SCAI: variants seen among roughly 807,000 people sequenced by gnomAD.
The protein encoded by SCAI is protein SCAI.
Under a neutral mutation model 92.2 loss-of-function variants are expected in SCAI, and 24 were observed. The observed-to-expected ratio is 0.26, with a 90% CI of 0.19 to 0.37. The LOEUF (loss-of-function observed/expected upper bound fraction) is 0.37. Ranked by LOEUF, SCAI falls within the 10% of genes least tolerant of loss-of-function variation. SCAI has a pLI of 1.00. For synonymous variants in SCAI, 261 were observed against 258.6 expected, an observed-to-expected ratio of 1.01 and a Z score of -0.09; for missense variants, 450 against 736.2, an observed-to-expected ratio of 0.61 and a Z score of 4.50.
At chr9:125,133,720 C>T (rs898970256) in intron 2 of SCAI, among the ~76,000 whole-genome samples, 2 of 151,764 alleles carry the variant, frequency 1.3e-5, no homozygotes, top group Non-Finnish European at 2.9e-5. Context: ...GCCAACTGTA[C>T]CTCTACAGAC....
chr9:125,033,897 A>G (rs1423335826), intron 3 of SCAI, among the ~76,000 whole-genome samples: 1 of 152,232 alleles, frequency 6.6e-6, no homozygotes. Context: ...GAAACTTCTG[A>G]AAGAACATTT....
intron 17 of SCAI, chr9:124,968,725 C>T: frequency 7.2e-7 from 1 of 1,386,126 alleles, no homozygotes; most frequent in Non-Finnish European, 1.0e-6. Flanking sequence ...TGCTTTTTGA[C>T]ATTCCGAATC....
intron 14 of SCAI, among the ~76,000 whole-genome samples, chr9:124,994,508 T>C (rs1053410583): frequency 3.9e-5 from 6 of 152,224 alleles, no homozygotes; most frequent in Non-Finnish European, 1.5e-5. Context: ...AGTATGTTAA[T>C]ATTCAAAGAC....
intron 17 of SCAI, among the ~76,000 whole-genome samples, chr9:124,959,531 T>TATATAC (rs1564357500): frequency 6.7e-6 from 1 of 149,070 alleles, no homozygotes; most frequent in East Asian, 2.0e-4. Context: ...CACATATATA[T>TATATAC]ACACACATAT....
intron 9 of SCAI, among the ~76,000 whole-genome samples, chr9:125,010,248 G>T (rs1402887363): frequency 6.6e-6 from 1 of 152,192 alleles, no homozygotes; most frequent in Non-Finnish European, 1.5e-5. Context: ...CTCGGGAAGC[G>T]CAAGGGGTCA....
intron 17 of SCAI, among the ~76,000 whole-genome samples, chr9:124,967,343 T>C (rs1680497452): frequency 6.6e-6 from 1 of 152,180 alleles, no homozygotes; most frequent in Non-Finnish European, 1.5e-5. Context: ...AAATCAACCA[T>C]ATTCTATCCC....
chr9:125,108,529 A>G (rs7469086), intron 2 of SCAI, among the ~76,000 whole-genome samples: 58,570 of 125,172 alleles, frequency 0.47, 14,458 homozygotes, highest in East Asian at 0.62. Flanking sequence ...CTGCGACCCC[A>G]TCTGGGAGGT....
At chr9:125,137,889 A>T (rs901240186) in intron 2 of SCAI, among the ~76,000 whole-genome samples, 4 of 152,174 alleles carry the variant, frequency 2.6e-5, no homozygotes, top group Non-Finnish European at 5.9e-5. Context: ...GATGTGAGCC[A>T]CCACGCTTGG....
intron 14 of SCAI, among the ~76,000 whole-genome samples, 197 bp from the exon 15 acceptor site, chr9:124,976,383 A>G (rs2131594187): frequency 6.6e-6 from 1 of 152,352 alleles, no homozygotes; most frequent in East Asian, 1.9e-4. Context: ...AAAGGCTCTC[A>G]ATTGAAATAG....
At chr9:124,993,180 C>T (rs1832168920) in intron 14 of SCAI, among the ~76,000 whole-genome samples, 2 of 152,236 alleles carry the variant, frequency 1.3e-5, no homozygotes, top group Admixed American at 6.5e-5. Flanking sequence ...ACACAAAATG[C>T]CTGGACCCCT....
Position 125,008,207 on chromosome 9 carries a change from C to T in SCAI, c.862-4637G>A, listed in dbSNP as rs1374086500. Among the ~76,000 whole-genome samples, 8 of 151,926 alleles carry T rather than the reference C, an allele frequency of 5.3e-5. No homozygotes were observed. The South Asian group carries it at 1.0e-3, about 20-fold the overall frequency. Reference sequence around the variant, plus strand: ...TCACCCAGGCTGGAGTGCAGTGGCACGAATTTGTCTCATTGCAACCTCTGC... The same window carrying T: ...TCACCCAGGCTGGAGTGCAGTGGCATGAATTTGTCTCATTGCAACCTCTGC... On this transcript the variant is annotated intron_variant, in intron 9 of 17. Coordinates refer to ENST00000336505, the MANE Select transcript of SCAI (RefSeq NM_001144877.3).
chr9:124,983,162 TAAA>T (rs144047566), intron 14 of SCAI, among the ~76,000 whole-genome samples: 30 of 138,706 alleles, frequency 2.2e-4, no homozygotes, highest in African/African-American at 3.2e-4. Flanking sequence ...ACCTGTCTCT[TAAA>T]AAAAAAAAAA....
intron 14 of SCAI, among the ~76,000 whole-genome samples, chr9:124,988,857 C>T (rs1222763748): frequency 2.0e-5 from 3 of 152,228 alleles, no homozygotes; most frequent in African/African-American, 7.2e-5. Context: ...AAATCCAGAC[C>T]AGCCAGGCAC....
intron 2 of SCAI, among the ~76,000 whole-genome samples, chr9:125,081,975 C>G (rs1224029583): frequency 6.6e-6 from 1 of 152,176 alleles, no homozygotes; most frequent in African/African-American, 2.4e-5. Context: ...GACATTCAAG[C>G]CGGCTGCAGA....
intron 14 of SCAI, among the ~76,000 whole-genome samples, chr9:124,979,001 C>T (rs1220249923): frequency 6.6e-6 from 1 of 151,868 alleles, no homozygotes; most frequent in African/African-American, 2.4e-5. Flanking sequence ...GCTGGGATTA[C>T]AGGGGAATGC....
intron 17 of SCAI, among the ~76,000 whole-genome samples, chr9:124,958,789 A>G (rs1831372348): frequency 6.6e-6 from 1 of 151,770 alleles, no homozygotes; most frequent in Non-Finnish European, 1.5e-5. Context: ...CACCTGTAAT[A>G]CCAGCTACTC....
intron 2 of SCAI, among the ~76,000 whole-genome samples, chr9:125,106,722 C>CTTT (rs34740170): frequency 1.1e-4 from 12 of 113,330 alleles, no homozygotes; most frequent in South Asian, 2.9e-4. Context: ...TTTTCTTTTC[C>CTTT]TTTTTTTTTT....
At chr9:125,061,255 C>T (rs557006167) in intron 2 of SCAI, among the ~76,000 whole-genome samples, 8 of 151,902 alleles carry the variant, frequency 5.3e-5, no homozygotes, top group African/African-American at 9.7e-5. Flanking sequence ...AGAGATCGCG[C>T]GACTGCACTC....
Position 125,143,431 on chromosome 9 carries a change from T to C in SCAI, c.7A>G (p.Arg3Gly). MV[R>G]GARQPQQPRS... ...GGCTGCTGGGGCTGCCGGGCTCCTC[T>C]GACCATCCGGCTCCTGCTCCGCCGC... The change falls in exon 1 of 18, where the codon AGA (arginine) becomes GGA (glycine). Residue 3 changes from arginine (R) to glycine (G), a missense_variant. Arg to Gly is a moderately radical substitution (Grantham distance 125). Transcript: ENST00000336505. The C allele has an allele frequency of 7.2e-7, 1 of 1,394,080 alleles. No individual in the cohort carries two copies. Among genetic ancestry groups the C allele is most frequent in the South Asian group, 1.5e-5 (1 of 65,210 alleles). 86.4% of individuals were successfully genotyped at this position (1,394,080 alleles called of 1,614,324 possible).
Sources: allele counts gnomAD v4.1 joint callset (sites outside exome capture counted in the v4.1 genomes callset), GRCh38; gene constraint gnomAD v4.1.1; transcripts MANE v1.5; gene names NCBI Gene and HGNC (gene_info 2026-07-23, HGNC 2026-07-21).